The following SCUBE2 variants were observed in gnomAD, a reference collection of about 807,000 sequenced individuals.
SCUBE2 encodes the protein signal peptide, CUB and EGF-like domain-containing protein 2.
Under a neutral mutation model 125.9 loss-of-function variants are expected in SCUBE2, and 114 were observed. The ratio of observed to expected loss-of-function variants is 0.91; its 90% CI spans 0.78 to 1.06. The LOEUF is 1.06. Among genes scored for constraint, SCUBE2 ranks in the 50% least tolerant of loss-of-function variants. SCUBE2 has a pLI of 0.00. For missense variants in SCUBE2, 1,255 were observed against 1,301.8 expected, an observed-to-expected ratio of 0.96 and a Z score of 0.55; for synonymous variants, 459 against 492.9, an observed-to-expected ratio of 0.93 and a Z score of 0.91.
chr11:9,073,907 C>T (rs1190886567), intron 4 of SCUBE2, among the ~76,000 whole-genome samples: 1 of 152,156 alleles, frequency 6.6e-6, no homozygotes, highest in Admixed American at 6.5e-5. Context: ...GAGTTTCCGG[C>T]AAATTTACAG....
intron 16 of SCUBE2, among the ~76,000 whole-genome samples, chr11:9,041,714 G>C (rs1480916408): frequency 1.3e-5 from 2 of 152,014 alleles, no homozygotes; most frequent in South Asian, 4.2e-4. Context: ...AAGACAGTAT[G>C]ACTACGGCTC....
rs768421970 is a variant in SCUBE2 at position 9,021,921 on chromosome 11, TCGAA to T, written c.2885_2888del (p.Val962GlufsTer62). The T allele has an allele frequency of 6.8e-6, 11 of 1,614,022 alleles. No individual in the cohort carries two copies. Among genetic ancestry groups the T allele is most frequent in the Non-Finnish European group, 9.3e-6 (11 of 1,179,856 alleles). ...TCTCAGATGCATAGAGCCTGCCATC[TCGAA>T]CTATGTCTTCAATGAGTTCCTGGTA... On this transcript the variant is annotated frameshift_variant, in exon 22 of 23. Coordinates refer to ENST00000649792, the MANE Select transcript of SCUBE2 (RefSeq NM_001367977.2). LOFTEE classifies it high-confidence loss of function.
intron 16 of SCUBE2, among the ~76,000 whole-genome samples, chr11:9,034,484 A>G (rs998828138): frequency 1.3e-5 from 2 of 152,170 alleles, no homozygotes; most frequent in Admixed American, 6.5e-5. Flanking sequence ...TGGGGAGGCT[A>G]AGATGGAATC....
In SCUBE2 at chr11:9,033,761, G is replaced by A. The variant is rs754234642; in HGVS notation, c.2038C>T (p.Arg680Ter). 3.4e-5 allele frequency: 55 copies of A among 1,613,890 alleles called. No homozygotes were observed. The highest frequency in any genetic ancestry group is 1.1e-4 in the East Asian group (5 of 44,878). The change falls in exon 17 of 23, where the codon CGA becomes TGA. Residue 680 changes from arginine (R) to a stop codon, truncating the protein, a stop_gained. Coordinates refer to ENST00000649792, the MANE Select transcript of SCUBE2 (RefSeq NM_001367977.2). LOFTEE classifies it high-confidence loss of function. ...TTTGGACATAAAATGCAGCGTTCTC[G>A]TGCTCCATCATAATAGGTCCCAGCC... Reference protein sequence around the residue: ...CRAGTYYDGARERCILCPNGT... With the variant: ...CRAGTYYDGA
intron 7 of SCUBE2, among the ~76,000 whole-genome samples, chr11:9,064,231 C>T (rs1193465363): frequency 6.6e-6 from 1 of 151,978 alleles, no homozygotes; most frequent in Non-Finnish European, 1.5e-5. Context: ...CTTTGGGAGG[C>T]CAAGGTAGGC....
In SCUBE2 at chr11:9,065,915, G is replaced by A. The variant is rs138716223; in HGVS notation, c.826C>T (p.Arg276Trp). 8.5e-5 allele frequency: 137 copies of A among 1,614,026 alleles called. No individual in the cohort carries two copies. The highest frequency in any genetic ancestry group is 1.1e-4 in the Non-Finnish European group (129 of 1,180,012). ...NTTSVVDGDK[R>W]VKRRLLMETC... ...CCCATGAGCAGCCGCCGTTTCACCC[G>A]TTTATCCCCATCCACCACTGATGTG... Residue 276 changes from arginine (R) to tryptophan (W), a missense_variant, in exon 7 of 23, where the codon CGG becomes TGG. Arg to Trp is a moderately radical substitution (Grantham distance 101). Transcript: ENST00000649792.
chr11:9,034,488 T>C (rs180736378), intron 16 of SCUBE2, among the ~76,000 whole-genome samples: 4 of 152,178 alleles, frequency 2.6e-5, no homozygotes, highest in African/African-American at 7.2e-5. Context: ...GAGGCTAAGA[T>C]GGAATCACCT....
At chr11:9,072,701 C>T (rs556365625) in intron 4 of SCUBE2, among the ~76,000 whole-genome samples, 1 of 152,310 alleles carries the variant, frequency 6.6e-6, no homozygotes, top group African/African-American at 2.4e-5. Context: ...CAGGTTGAAA[C>T]ACAACAGAAA....
chr11:9,039,296 C>A (rs1857003702), intron 16 of SCUBE2, among the ~76,000 whole-genome samples: 1 of 152,094 alleles, frequency 6.6e-6, no homozygotes, highest in South Asian at 2.1e-4. Flanking sequence ...GAGGAGAAAA[C>A]TGGTCAGATA....
intron 18 of SCUBE2, 35 bp downstream of exon 18, chr11:9,030,723 C>T (rs1856230453): frequency 2.5e-6 from 4 of 1,590,124 alleles, no homozygotes; most frequent in Non-Finnish European, 3.4e-6. Flanking sequence ...AAGGGAAATC[C>T]AGTCCTAGAA....
chr11:9,031,636 A>G (rs1240403582), intron 17 of SCUBE2, among the ~76,000 whole-genome samples: 1 of 152,148 alleles, frequency 6.6e-6, no homozygotes, highest in Non-Finnish European at 1.5e-5. Flanking sequence ...TCTAAAAAAA[A>G]AAAAGAGTGA....
chr11:9,035,305 T>A (rs1193433082), intron 16 of SCUBE2, among the ~76,000 whole-genome samples: 1 of 152,228 alleles, frequency 6.6e-6, no homozygotes, highest in Non-Finnish European at 1.5e-5. Context: ...AGCACCCTTT[T>A]ACAGAAACAG....
At position 9,030,925 on chromosome 11, in the gene SCUBE2, C is replaced by T. The variant is rs1856247721; in HGVS notation, c.2174G>A (p.Gly725Asp). Residue 725 changes from glycine (G) to aspartate (D), a missense_variant and splice_region_variant, in exon 18 of 23, where the codon GGT becomes GAT. By Grantham distance (94) the Gly-to-Asp change is moderately conservative (BLOSUM62 -1). Around this residue, in one of 3 missense-constraint regions of SCUBE2, gnomAD observed 515 missense variants for 515.7 expected, o/e 1.00. Coordinates refer to ENST00000649792, the MANE Select transcript of SCUBE2 (RefSeq NM_001367977.2). Reference sequence around the variant, plus strand: ...AGAATATTCACCAGGTTGACACAGACCTGGAAGGACCAATAGCCTTACGTG... The same window carrying T: ...AGAATATTCACCAGGTTGACACAGATCTGGAAGGACCAATAGCCTTACGTG... The part of the protein sequence containing the change: ...PEAWNMSECG[G>D]LCQPGEYSAD... 2 of 1,612,600 alleles carry T rather than the reference C, an allele frequency of 1.2e-6. No individual in the cohort carries two copies. Among genetic ancestry groups the T allele is most frequent in the African/African-American group, 1.3e-5 (1 of 74,898 alleles).
intron 2 of SCUBE2, among the ~76,000 whole-genome samples, chr11:9,081,947 C>A (rs1031605373): frequency 6.6e-6 from 1 of 152,178 alleles, no homozygotes; most frequent in African/African-American, 2.4e-5. Context: ...AAATTCCCAC[C>A]AACAGGTGCA....
intron 18 of SCUBE2, chr11:9,030,341 G>C (rs757579674): frequency 6.4e-6 from 3 of 468,220 alleles, no homozygotes; most frequent in South Asian, 2.5e-5. Flanking sequence ...GCACGTCTGT[G>C]AGTATAGGGG....
At chr11:9,069,263 C>T in intron 5 of SCUBE2, 107 bp downstream of exon 5, 1 of 1,470,994 alleles carries the variant, frequency 6.8e-7, no homozygotes, top group Non-Finnish European at 9.3e-7. Flanking sequence ...ACTGCCTTCC[C>T]TGCTGCTGCA....
intron 9 of SCUBE2, among the ~76,000 whole-genome samples, chr11:9,056,762 T>C (rs947853789): frequency 3.9e-5 from 6 of 152,212 alleles, no homozygotes; most frequent in African/African-American, 1.2e-4. Flanking sequence ...TGGAGGATTT[T>C]AACATAGTTA....
intron 4 of SCUBE2, among the ~76,000 whole-genome samples, chr11:9,071,879 G>T (rs1284175478): frequency 6.6e-6 from 1 of 152,074 alleles, no homozygotes; most frequent in Non-Finnish European, 1.5e-5. Flanking sequence ...AAAGAGGAGT[G>T]CTCATTCTGA....
intron 7 of SCUBE2, among the ~76,000 whole-genome samples, chr11:9,060,910 T>C (rs1242528535): frequency 1.3e-5 from 2 of 152,178 alleles, no homozygotes; most frequent in Non-Finnish European, 2.9e-5. Flanking sequence ...TTGAACCTTC[T>C]CCTTTCGATA....
Sources: allele counts gnomAD v4.1 joint callset (sites outside exome capture counted in the v4.1 genomes callset), GRCh38; gene constraint gnomAD v4.1.1; regional missense constraint gnomAD v4.1.1; transcripts MANE v1.5; gene names NCBI Gene and HGNC (gene_info 2026-07-23, HGNC 2026-07-21).